Variants in WNT3A observed in about 807,000 individuals in gnomAD.
WNT3A encodes protein Wnt-3a.
Under a neutral mutation model 37.0 loss-of-function variants are expected in WNT3A, and 17 were observed. The ratio of observed to expected loss-of-function variants is 0.46; its 90% CI spans 0.31 to 0.69. The LOEUF is 0.69. Among genes scored for constraint, WNT3A ranks in the 30% least tolerant of loss-of-function variants. The pLI is 0.05. For synonymous variants in WNT3A, 187 were observed against 211.0 expected, an observed-to-expected ratio of 0.89 and a Z score of 0.99; for missense variants, 411 against 510.2, an observed-to-expected ratio of 0.81 and a Z score of 1.87.
intron 2 of WNT3A, among the ~76,000 whole-genome samples, chr1:228,034,086 A>T (rs1052962812): frequency 1.3e-5 from 2 of 152,046 alleles, no homozygotes; most frequent in African/African-American, 4.8e-5. Flanking sequence ...ACATGACAAA[A>T]CCCTGTCTCT....
intron 2 of WNT3A, among the ~76,000 whole-genome samples, chr1:228,029,409 G>C (rs2030943562): frequency 6.6e-6 from 1 of 152,146 alleles, no homozygotes; most frequent in African/African-American, 2.4e-5. Context: ...CAGAGGCGGG[G>C]CCCAGGGAAC....
chr1:228,035,112 T>C (rs2031106248), intron 2 of WNT3A, among the ~76,000 whole-genome samples: 1 of 152,166 alleles, frequency 6.6e-6, no homozygotes, highest in South Asian at 2.1e-4. Context: ...GGTGCATGAC[T>C]CGGGGAATCC....
rs1159606768 is a variant in WNT3A, at chr1:228,059,885, C to G, written c.*420C>G. ...CACTAGGTAGGCTTCTACCTGCAGG[C>G]GGGGCTCCTCCTGAAGGAGGCGGGG... On this transcript the variant is annotated 3_prime_UTR_variant, in exon 4 of 4. Transcript: ENST00000284523. 3 of 1,046,590 alleles carry G rather than the reference C, an allele frequency of 2.9e-6. No homozygotes were observed. Among genetic ancestry groups the G allele is most frequent in the Middle Eastern group, 4.6e-4 (1 of 2,194 alleles). The allele number at this position is 1,046,590 out of a possible 1,614,324, so 64.8% of individuals were successfully genotyped here.
chr1:228,051,705 G>A (rs564552126), intron 3 of WNT3A, among the ~76,000 whole-genome samples: 1 of 152,296 alleles, frequency 6.6e-6, no homozygotes, highest in South Asian at 2.1e-4. Context: ...ACCCGAGACT[G>A]GGTAATTTAT....
rs115144264 is a variant in WNT3A, at chr1:228,050,605, C to T, written c.314-51C>T. The T allele has an allele frequency of 0.022, 33,599 of 1,532,578 alleles. 446 individuals carry two copies. The highest frequency in any genetic ancestry group is 0.025 in the Non-Finnish European group (28,206 of 1,138,960). 94.9% of individuals were successfully genotyped at this position (1,532,578 alleles called of 1,614,324 possible). A position where few individuals can be genotyped will look rare whatever the true frequency, so the allele number is the denominator to read the frequency against. ...GCTAAGACCCCTGACCTGCCCAAGG[C>T]GGTCCTTTGAGCTGAGCCCTGTTAA... On this transcript the variant is annotated intron_variant, in intron 2 of 3. Coordinates refer to ENST00000284523, the MANE Select transcript of WNT3A (RefSeq NM_033131.4). This position sits in a 1 kb window ranked among gnomAD's most constrained non-coding sequence, Gnocchi z 5.0.
At chr1:228,014,270 G>A (rs2030462374) in intron 1 of WNT3A, among the ~76,000 whole-genome samples, 1 of 152,192 alleles carries the variant, frequency 6.6e-6, no homozygotes. Flanking sequence ...TGGGGAAACT[G>A]AGGCCCAGGA....
intron 2 of WNT3A, among the ~76,000 whole-genome samples, chr1:228,028,484 T>C (rs2030909096): frequency 6.6e-6 from 1 of 151,776 alleles, no homozygotes; most frequent in Non-Finnish European, 1.5e-5. Flanking sequence ...TTTGTTGTTG[T>C]TTTTGTTTTT....
At chr1:228,023,595 T>C (rs537308632) in intron 2 of WNT3A, among the ~76,000 whole-genome samples, 10 of 150,218 alleles carry the variant, frequency 6.7e-5, no homozygotes, top group Non-Finnish European at 1.5e-4. Context: ...AGAGAGAAAC[T>C]GAGAGACAGA....
chr1:228,021,336 C>A (rs1301166888), intron 1 of WNT3A, among the ~76,000 whole-genome samples: 1 of 152,180 alleles, frequency 6.6e-6, no homozygotes, highest in Admixed American at 6.5e-5. Flanking sequence ...ATGCCTTTTG[C>A]CAAAAGCAGA....
intron 2 of WNT3A, among the ~76,000 whole-genome samples, chr1:228,024,285 G>T (rs1254192969): frequency 6.6e-6 from 1 of 152,198 alleles, no homozygotes; most frequent in Non-Finnish European, 1.5e-5. Flanking sequence ...ATTCCTACCA[G>T]TATTGTTTGA....
At chr1:228,014,251 T>C (rs186787439) in intron 1 of WNT3A, among the ~76,000 whole-genome samples, 1 of 152,122 alleles carries the variant, frequency 6.6e-6, no homozygotes, top group Non-Finnish European at 1.5e-5. Flanking sequence ...CATTACCCCA[T>C]TTGACAGATG....
intron 2 of WNT3A, among the ~76,000 whole-genome samples, chr1:228,026,034 C>T (rs1242128206): frequency 1.3e-5 from 2 of 151,736 alleles, no homozygotes; most frequent in Non-Finnish European, 2.9e-5. Context: ...GCTGGGGTTA[C>T]AGGCGTGAGC....
At chr1:228,010,626 C>G (rs1312852090) in intron 1 of WNT3A, among the ~76,000 whole-genome samples, 1 of 152,228 alleles carries the variant, frequency 6.6e-6, no homozygotes, top group Non-Finnish European at 1.5e-5. Context: ...CCGGCCGTCA[C>G]CAGCTCCTGC....
rs2031306783 is a variant in WNT3A, at chr1:228,042,470, A to G, written c.314-8186A>G. Among the ~76,000 whole-genome samples the G allele has an allele frequency of 6.6e-6, 1 of 150,654 alleles. No homozygotes were observed. Among genetic ancestry groups the G allele is most frequent in the African/African-American group, 2.4e-5 (1 of 40,936 alleles). ...ATGGGTGGATGATGGATGAATGGTGATGGATGAATGGTGATGGATGGATTA... is the reference window on the plus strand; with the variant it reads ...ATGGGTGGATGATGGATGAATGGTGGTGGATGAATGGTGATGGATGGATTA... On this transcript the variant is annotated intron_variant, in intron 2 of 3. Coordinates refer to ENST00000284523, the MANE Select transcript of WNT3A (RefSeq NM_033131.4). The surrounding 1 kb of genome is among the most constrained non-coding windows in gnomAD (Gnocchi z 5.2).
rs375339690 is a variant in WNT3A, at chr1:228,059,439, G to A, written c.1033G>A (p.Val345Ile). 1.3e-6 allele frequency: 2 copies of A among 1,528,670 alleles called. No homozygotes were observed. Among genetic ancestry groups the A allele is most frequent in the Non-Finnish European group, 1.8e-6 (2 of 1,142,248 alleles). The allele number at this position is 1,528,670 out of a possible 1,614,324, so 94.7% of individuals were successfully genotyped here. Residue 345 changes from valine (V) to isoleucine (I), a missense_variant, in exon 4 of 4, where the codon GTC becomes ATC. Coordinates refer to ENST00000284523, the MANE Select transcript of WNT3A (RefSeq NM_033131.4). Reference sequence around the variant, plus strand: ...CGTCAGCTGCCAGGAGTGCACGCGCGTCTACGACGTGCACACCTGCAAGTA... The same window carrying A: ...CGTCAGCTGCCAGGAGTGCACGCGCATCTACGACGTGCACACCTGCAAGTA... The part of the protein sequence containing the change: ...CYVSCQECTR[V>I]YDVHTCK
At chr1:228,055,219 T>TATATATACAC (rs1422386068) in intron 3 of WNT3A, among the ~76,000 whole-genome samples, 2 of 98,482 alleles carry the variant, frequency 2.0e-5, no homozygotes, top group African/African-American at 9.3e-5. Flanking sequence ...TATATATATA[T>TATATATACAC]ACACACACAC....
chr1:228,020,696 G>A (rs544800425), intron 1 of WNT3A, among the ~76,000 whole-genome samples: 6 of 152,332 alleles, frequency 3.9e-5, no homozygotes, highest in East Asian at 1.9e-4. Context: ...GGATACCTGC[G>A]TGTAGTGAAT....
chr1:228,043,047 C>G (rs1320655545), intron 2 of WNT3A, among the ~76,000 whole-genome samples: 1 of 148,050 alleles, frequency 6.8e-6, no homozygotes, highest in East Asian at 2.0e-4. Context: ...GGATGATGCA[C>G]GATAGATGAA....
chr1:228,022,066 A>C (rs74696567), intron 1 of WNT3A, among the ~76,000 whole-genome samples: 12,281 of 152,312 alleles, frequency 0.081, 581 homozygotes, highest in South Asian at 0.12. Flanking sequence ...CATACAGAAA[A>C]ACACATAGAT....
Sources: gnomAD v4.1 joint callset for allele counts (sites outside exome capture counted in the v4.1 genomes callset) on GRCh38, gnomAD v4.1.1 for gene constraint, Gnocchi (gnomAD v3.1) non-coding constraint, MANE v1.5 for transcripts, NCBI Gene and HGNC (gene_info 2026-07-23, HGNC 2026-07-21) for gene names.